EPS8: variants seen among roughly 807,000 people sequenced by gnomAD.
EPS8 encodes epidermal growth factor receptor kinase substrate 8.
EPS8 carries 42 observed loss-of-function variants against 103.8 expected under a neutral mutation model. That is an observed-to-expected ratio of 0.40 (90% CI 0.32 to 0.52). EPS8 has a LOEUF of 0.52. EPS8 is among the 20% of genes least tolerant of loss of function. EPS8 has a pLI of 0.40. For missense variants in EPS8, 969 were observed against 1,005.1 expected (o/e 0.96, Z 0.49); for synonymous variants, 344 against 344.6 (o/e 1.00, Z 0.02).
chr12:15,627,994 A>C (rs1944977986), intron 18 of EPS8, among the ~76,000 whole-genome samples: 1 of 151,666 alleles, frequency 6.6e-6, no homozygotes, highest in Non-Finnish European at 1.5e-5. Flanking sequence ...GAAATAAGGG[A>C]AAGTGTGAAT....
At chr12:15,774,062 A>T (rs1332728395) in intron 1 of EPS8, among the ~76,000 whole-genome samples, 1 of 152,118 alleles carries the variant, frequency 6.6e-6, no homozygotes, top group Non-Finnish European at 1.5e-5. Flanking sequence ...AAGCAGGAAA[A>T]TAATTCCACC....
At chr12:15,712,741 G>T in intron 1 of EPS8, 1 of 407,552 alleles carries the variant, frequency 2.5e-6, no homozygotes, top group Non-Finnish European at 3.3e-6. Context: ...GGGCTTACTT[G>T]GACTAAAAGT....
chr12:15,740,047 C>T lies in EPS8; in HGVS notation c.-22+49114G>A, dbSNP rs562521327. 1.3e-4 allele frequency among the ~76,000 whole-genome samples: 20 copies of T among 151,954 alleles called. 1 individual carries two copies. In the South Asian group the frequency reaches 2.7e-3, roughly 21 times the overall value. ...ACCAAAAGAAGCTACTCCGAGGTGA[C>T]GGCAAAGTTAAGGATAAAAAGCATG... On this transcript the variant is annotated intron_variant, in intron 1 of 20. Coordinates refer to ENST00000281172, the MANE Select transcript of EPS8 (RefSeq NM_004447.6).
chr12:15,735,570 T>C lies in EPS8; in HGVS notation c.-21-52598A>G, dbSNP rs943307524. ...CTAAATGCCTCAAAGCTACTTAATTTTGAATCTTTTTAATATTTTTCTAGC... is the reference window on the plus strand; with the variant it reads ...CTAAATGCCTCAAAGCTACTTAATTCTGAATCTTTTTAATATTTTTCTAGC... On this transcript the variant is annotated intron_variant, in intron 1 of 20. Transcript: ENST00000281172. This position sits in a 1 kb window ranked among gnomAD's most constrained non-coding sequence, Gnocchi z 4.4. 3.3e-5 allele frequency among the ~76,000 whole-genome samples: 5 copies of C among 152,202 alleles called. No individual in the cohort carries two copies. The highest frequency in any genetic ancestry group is 1.2e-4 in the African/African-American group (5 of 41,448).
intron 20 of EPS8, among the ~76,000 whole-genome samples, chr12:15,622,710 T>C (rs1438823984): frequency 2.0e-5 from 3 of 152,038 alleles, no homozygotes; most frequent in Non-Finnish European, 2.9e-5. Flanking sequence ...TTCCCGATTA[T>C]TGAGATGTAT....
intron 16 of EPS8, 82 bp downstream of exon 16, chr12:15,641,640 A>G: frequency 1.7e-6 from 1 of 597,634 alleles, no homozygotes; most frequent in Non-Finnish European, 2.8e-6. Flanking sequence ...AATACTTTTG[A>G]AGGAAAGTTT....
At position 15,736,521 on chromosome 12, in the gene EPS8, C is replaced by G. The variant is rs1056869785; in HGVS notation, c.-22+52640G>C. Among the ~76,000 whole-genome samples the G allele has an allele frequency of 9.9e-5, 15 of 152,150 alleles. No individual in the cohort carries two copies. The highest frequency in any genetic ancestry group is 1.6e-4 in the Non-Finnish European group (11 of 68,002). On this transcript the variant is annotated intron_variant, in intron 1 of 20. Coordinates refer to ENST00000281172, the MANE Select transcript of EPS8 (RefSeq NM_004447.6). The surrounding 1 kb of genome is among the most constrained non-coding windows in gnomAD (Gnocchi z 4.2). ...CACCCTCTATCTATGTGCTGAACTTCTGCATTTTACTCACAGAAGATGCCC... is the reference window on the plus strand; with the variant it reads ...CACCCTCTATCTATGTGCTGAACTTGTGCATTTTACTCACAGAAGATGCCC...
At chr12:15,630,141 GC>G (rs1295307014) in intron 18 of EPS8, among the ~76,000 whole-genome samples, 2 of 151,698 alleles carry the variant, frequency 1.3e-5, no homozygotes, top group African/African-American at 2.4e-5. Context: ...CCTAAGAGAG[GC>G]CCACATTGAG....
intron 16 of EPS8, among the ~76,000 whole-genome samples, chr12:15,641,352 AAGGATAT>A (rs1452138938): frequency 1.5e-4 from 17 of 110,044 alleles, no homozygotes; most frequent in African/African-American, 6.0e-4. Context: ...ATATCTGTGC[AAGGATAT>A]AGGATTAAAA....
At chr12:15,624,055 T>A (rs1005684232) in intron 19 of EPS8, among the ~76,000 whole-genome samples, 172 bp downstream of exon 19, 5 of 152,356 alleles carry the variant, frequency 3.3e-5, no homozygotes, top group African/African-American at 1.2e-4. Flanking sequence ...TTTATGCTTA[T>A]TTTAGTTCTT....
chr12:15,644,140 A>G (rs1348759192), intron 15 of EPS8, among the ~76,000 whole-genome samples: 4 of 152,200 alleles, frequency 2.6e-5, no homozygotes, highest in Non-Finnish European at 5.9e-5. Flanking sequence ...TGCTTCTGTA[A>G]CAATAGCTGA....
rs999901891 is a variant in EPS8, at chr12:15,661,678, G to A, written c.810+348C>T. Among the ~76,000 whole-genome samples the A allele has an allele frequency of 7.9e-5, 12 of 151,932 alleles. 1 individual carries two copies. The highest frequency in any genetic ancestry group is 7.2e-4 in the Admixed American group (11 of 15,270). On this transcript the variant is annotated intron_variant, in intron 9 of 20. Transcript: ENST00000281172. ...AAAATACATTGTTAATAAATGCCAA[G>A]AAGACATATTAAAAAGATATTTCAA... is the stretch of plus-strand genomic sequence containing the variant.
At chr12:15,667,834 C>A (rs1185690582) in intron 6 of EPS8, among the ~76,000 whole-genome samples, 1 of 152,084 alleles carries the variant, frequency 6.6e-6, no homozygotes, top group Non-Finnish European at 1.5e-5. Flanking sequence ...GGTATGTGAG[C>A]TTTTGGGGTT....
chr12:15,703,339 G>A (rs1946336827), intron 1 of EPS8, among the ~76,000 whole-genome samples: 1 of 152,158 alleles, frequency 6.6e-6, no homozygotes, highest in Admixed American at 6.5e-5. Context: ...TTTAGTAAAT[G>A]TTATTACTGT....
In EPS8 at chr12:15,747,424, C is replaced by T. The variant is rs1308154763; in HGVS notation, c.-22+41737G>A. ...TAGAAACCCAATCTGTTTTTCAAAC[C>T]AAAATGCACTATTTTAGGAGCAGCT... On this transcript the variant is annotated intron_variant, in intron 1 of 20. Transcript: ENST00000281172. The surrounding 1 kb of genome is among the most constrained non-coding windows in gnomAD (Gnocchi z 4.4). Among the ~76,000 whole-genome samples the T allele has an allele frequency of 6.6e-6, 1 of 152,026 alleles. No homozygotes were observed. Among genetic ancestry groups the T allele is most frequent in the African/African-American group, 2.4e-5 (1 of 41,376 alleles).
At chr12:15,668,529 G>T (rs1482357210) in intron 6 of EPS8, among the ~76,000 whole-genome samples, 1 of 152,152 alleles carries the variant, frequency 6.6e-6, no homozygotes, top group Non-Finnish European at 1.5e-5. Flanking sequence ...TAACTTCTAA[G>T]GTCCAATAAA....
At chr12:15,654,061 G>T in intron 13 of EPS8, 84 bp downstream of exon 13, 1 of 1,318,576 alleles carries the variant, frequency 7.6e-7, no homozygotes, top group Non-Finnish European at 1.1e-6. Context: ...TCCTTCGTAT[G>T]TAGAAGGTTA....
chr12:15,658,455 C>T, intron 11 of EPS8, 42 bp downstream of exon 11: 2 of 1,241,636 alleles, frequency 1.6e-6, no homozygotes, highest in South Asian at 1.3e-5. Flanking sequence ...TTCACCTTTT[C>T]CATTTATTTC....
chr12:15,767,539 G>A lies in EPS8; in HGVS notation c.-22+21622C>T, dbSNP rs2136038855. On this transcript the variant is annotated intron_variant, in intron 1 of 20. Coordinates refer to ENST00000281172, the MANE Select transcript of EPS8 (RefSeq NM_004447.6). This position sits in a 1 kb window ranked among gnomAD's most constrained non-coding sequence, Gnocchi z 5.5. ...GTTGACAGTATCAGGTCAGTCTTAG[G>A]CCATAAAGAAGTACTTTATTATCCT... Among the ~76,000 whole-genome samples, 1 of 152,252 alleles carries A rather than the reference G, an allele frequency of 6.6e-6. No homozygotes were observed. Among genetic ancestry groups the A allele is most frequent in the South Asian group, 2.1e-4 (1 of 4,830 alleles).
Sources: allele counts gnomAD v4.1 joint callset (sites outside exome capture counted in the v4.1 genomes callset), GRCh38; gene constraint gnomAD v4.1.1; non-coding constraint Gnocchi (gnomAD v3.1); transcripts MANE v1.5; gene names NCBI Gene and HGNC (gene_info 2026-07-23, HGNC 2026-07-21).